The following NCALD variants were observed in gnomAD, a reference collection of about 807,000 sequenced individuals.
The protein encoded by NCALD is neurocalcin delta.
In NCALD, 10 loss-of-function variants were observed where a neutral mutation model predicts 18.6. The ratio of observed to expected loss-of-function variants is 0.54; its 90% CI spans 0.33 to 0.91. NCALD has a LOEUF of 0.91. Ranked by LOEUF, NCALD falls within the 40% of genes least tolerant of loss-of-function variation. The pLI is 0.03. For missense variants in NCALD, 184 were observed against 247.6 expected (o/e 0.74, Z 1.72); for synonymous variants, 88 against 87.4 (o/e 1.01, Z -0.04).
At chr8:101,941,273 T>C (rs1439367153) in intron 2 of NCALD, among the ~76,000 whole-genome samples, 1 of 152,196 alleles carries the variant, frequency 6.6e-6, no homozygotes, top group Non-Finnish European at 1.5e-5. Context: ...AATCAGATCA[T>C]CAAGCATTAG....
intron 4 of NCALD, among the ~76,000 whole-genome samples, chr8:101,858,358 G>C (rs1815404129): frequency 6.6e-6 from 1 of 152,150 alleles, no homozygotes. Context: ...AGAGGCACCA[G>C]ATACCTCTGA....
chr8:101,756,246 T>G (rs76341134), intron 1 of NCALD, among the ~76,000 whole-genome samples: 6,994 of 152,222 alleles, frequency 0.046, 383 homozygotes, highest in African/African-American at 0.13. Context: ...ACTGTTTTGG[T>G]GAAGGACCTT....
intron 2 of NCALD, among the ~76,000 whole-genome samples, chr8:101,977,050 C>T (rs1563500577): frequency 6.6e-6 from 1 of 151,894 alleles, no homozygotes; most frequent in Non-Finnish European, 1.5e-5. Context: ...TGAATCTTCT[C>T]CTGATATAAA....
At chr8:101,850,169 C>T (rs895110994) in intron 4 of NCALD, among the ~76,000 whole-genome samples, 1 of 152,118 alleles carries the variant, frequency 6.6e-6, no homozygotes, top group Non-Finnish European at 1.5e-5. Flanking sequence ...GTCACAGGCC[C>T]GGGCATCAGT....
chr8:101,941,669 G>A (rs564905490), intron 2 of NCALD, among the ~76,000 whole-genome samples: 4 of 152,156 alleles, frequency 2.6e-5, no homozygotes, highest in Admixed American at 6.5e-5. Context: ...GTATTTTGTG[G>A]TACATTTGTC....
At chr8:101,938,597 T>C (rs1184191975) in intron 2 of NCALD, among the ~76,000 whole-genome samples, 1 of 152,160 alleles carries the variant, frequency 6.6e-6, no homozygotes, top group East Asian at 1.9e-4. Context: ...GGTAGGATAA[T>C]CTCAGTCTTA....
intron 2 of NCALD, among the ~76,000 whole-genome samples, chr8:101,921,639 G>A (rs1730733515): frequency 6.6e-6 from 1 of 152,140 alleles, no homozygotes; most frequent in Non-Finnish European, 1.5e-5. Context: ...AGTGGTATAT[G>A]TCAGTGGTAA....
intron 4 of NCALD, among the ~76,000 whole-genome samples, chr8:101,879,561 T>C (rs566315): frequency 0.26 from 39,768 of 152,040 alleles, 5,605 homozygotes; most frequent in East Asian, 0.38. Flanking sequence ...ACCACCACTG[T>C]GTGGTGGGAC....
At chr8:101,920,178 G>A (rs1236632323) in intron 2 of NCALD, among the ~76,000 whole-genome samples, 8 of 152,132 alleles carry the variant, frequency 5.3e-5, no homozygotes. Flanking sequence ...GATCACTTGA[G>A]CCCAGGAGGT....
In NCALD at chr8:102,099,276, G is replaced by A. The variant is rs1159824963; in HGVS notation, c.-210+24961C>T. Reference sequence around the variant, plus strand: ...ATCCATGCTACACCAATAGTCCAAGGCACCAAAGACTTGTCAAGGGAAAGA... The same window carrying A: ...ATCCATGCTACACCAATAGTCCAAGACACCAAAGACTTGTCAAGGGAAAGA... On this transcript the variant is annotated intron_variant, in intron 1 of 6. Coordinates refer to the NCALD transcript ENST00000311028. Among the ~76,000 whole-genome samples the A allele has an allele frequency of 2.0e-5, 3 of 152,068 alleles. No individual in the cohort carries two copies. The East Asian group carries it at 5.8e-4, about 29-fold the overall frequency.
chr8:102,084,274 C>T (rs367872873), intron 1 of NCALD, among the ~76,000 whole-genome samples: 4 of 152,200 alleles, frequency 2.6e-5, no homozygotes, highest in East Asian at 3.8e-4. Flanking sequence ...AGGTTAATGG[C>T]CGCGAATCTG....
chr8:101,709,060 T>C (rs1322148066), intron 2 of NCALD, among the ~76,000 whole-genome samples: 1 of 152,118 alleles, frequency 6.6e-6, no homozygotes, highest in Non-Finnish European at 1.5e-5. Flanking sequence ...AAAGAAGGAA[T>C]GAAGGGACTT....
At chr8:101,854,222 T>C (rs536859260) in intron 4 of NCALD, among the ~76,000 whole-genome samples, 36 of 152,288 alleles carry the variant, frequency 2.4e-4, no homozygotes, top group African/African-American at 8.4e-4. Flanking sequence ...GTAGCTCTTA[T>C]GGTCTGTGCT....
intron 2 of NCALD, among the ~76,000 whole-genome samples, chr8:101,947,215 G>GT (rs1819211104): frequency 2.0e-5 from 3 of 152,164 alleles, no homozygotes; most frequent in Admixed American, 1.3e-4. Context: ...CATGGCAACA[G>GT]TTTTTTGGGG....
intron 1 of NCALD, among the ~76,000 whole-genome samples, chr8:101,744,119 T>A (rs770790480): frequency 1.3e-5 from 2 of 152,210 alleles, no homozygotes; most frequent in African/African-American, 4.8e-5. Context: ...CTACCTCTGA[T>A]AGCCCCTTTC....
chr8:101,903,990 A>T (rs942385500), intron 3 of NCALD, among the ~76,000 whole-genome samples: 1 of 151,892 alleles, frequency 6.6e-6, no homozygotes, highest in African/African-American at 2.4e-5. Context: ...CAAAATGCCC[A>T]CTCCTGCGCT....
chr8:101,738,311 A>G (rs1220550149), intron 1 of NCALD, among the ~76,000 whole-genome samples: 1 of 152,296 alleles, frequency 6.6e-6, no homozygotes, highest in East Asian at 1.9e-4. Context: ...TGGGAGGCCA[A>G]GGTGGGTGGA....
chr8:102,104,003 A>C (rs933360336), intron 1 of NCALD, among the ~76,000 whole-genome samples: 6 of 152,212 alleles, frequency 3.9e-5, no homozygotes, highest in Non-Finnish European at 8.8e-5. Flanking sequence ...GTACAAAGTT[A>C]TATCTACAAA....
chr8:101,879,102 T>C (rs1012174335), intron 4 of NCALD, among the ~76,000 whole-genome samples: 2 of 152,294 alleles, frequency 1.3e-5, no homozygotes, highest in East Asian at 3.9e-4. Context: ...CTCATCTCAT[T>C]GAATGGGGTA....
Sources: allele counts gnomAD v4.1 joint callset (sites outside exome capture counted in the v4.1 genomes callset), GRCh38; gene constraint gnomAD v4.1.1; transcripts MANE v1.5; gene names NCBI Gene and HGNC (gene_info 2026-07-23, HGNC 2026-07-21).